Variants in RIPOR3 observed in about 807,000 individuals in gnomAD.
The protein encoded by RIPOR3 is family with sequence similarity 65 member C.
In RIPOR3, 95 loss-of-function variants were observed where a neutral mutation model predicts 114.3. The observed-to-expected ratio is 0.83, with a 90% CI of 0.70 to 0.99. RIPOR3 has a LOEUF of 0.99. RIPOR3 is among the 50% of genes least tolerant of loss of function. The probability of loss-of-function intolerance (pLI) is 0.00; values close to 1 mark genes in which losing one functional copy is unlikely to be tolerated. For missense variants in RIPOR3, 1,252 were observed against 1,266.9 expected (o/e 0.99, Z 0.18); for synonymous variants, 575 against 543.8 (o/e 1.06, Z -0.80).
At chr20:50,686,994 A>C (rs753021840) in intron 1 of RIPOR3, among the ~76,000 whole-genome samples, 2 of 152,216 alleles carry the variant, frequency 1.3e-5, no homozygotes, top group Non-Finnish European at 2.9e-5. Flanking sequence ...AGAGTTTCTA[A>C]AAATAGCAAG....
intron 1 of RIPOR3, chr20:50,646,007 C>T (rs1242257003): frequency 6.6e-6 from 1 of 152,246 alleles, no homozygotes; most frequent in African/African-American, 2.4e-5. Flanking sequence ...GTTCCAGGCA[C>T]TCTGACCCCA....
intron 20 of RIPOR3, 66 bp downstream of exon 20, chr20:50,589,616 TTAAC>T: frequency 6.6e-7 from 1 of 1,508,308 alleles, no homozygotes; most frequent in South Asian, 1.2e-5. Flanking sequence ...CATTTTGAAG[TTAAC>T]TAACCTTAAC....
chr20:50,597,630 G>C lies in RIPOR3; in HGVS notation c.1740C>G (p.Ala580=). Residue 580 remains alanine (A), a synonymous_variant, in exon 14 of 22, where the codon GCC becomes GCG. Coordinates refer to ENST00000327979, the MANE Select transcript of RIPOR3 (RefSeq NM_001290268.2). The stretch of plus-strand genomic sequence containing the variant: ...GGGACAGCTCATCCAGGGCGAAGTC[G>C]GCATTGAGGAAGGCGAAGCTCTCCA... ...CILESFAFLN[A]DFALDELSLF... is the part of the protein sequence containing the mutation. 1.2e-6 allele frequency: 2 copies of C among 1,612,074 alleles called. No individual in the cohort carries two copies. The highest frequency in any genetic ancestry group is 2.2e-5 in the South Asian group (2 of 90,612).
In RIPOR3 at chr20:50,592,125, C is replaced by T. The variant is rs529201039; in HGVS notation, c.2577+219G>A. Among the ~76,000 whole-genome samples, 4 of 152,276 alleles carry T rather than the reference C, an allele frequency of 2.6e-5. No homozygotes were observed. In the East Asian group the frequency reaches 7.7e-4, roughly 29 times the overall value. On this transcript the variant is annotated intron_variant, in intron 19 of 21. Coordinates refer to ENST00000327979, the MANE Select transcript of RIPOR3 (RefSeq NM_001290268.2). Reference sequence around the variant, plus strand: ...AAAACGCACTAAGAAAAACATTCAGCGTGCAAGTGACATCTCAGAGGCCTA... The same window carrying T: ...AAAACGCACTAAGAAAAACATTCAGTGTGCAAGTGACATCTCAGAGGCCTA...
rs766262029 is a variant in RIPOR3 at position 50,593,149 on chromosome 20, G to A, written c.2260C>T (p.Pro754Ser). The A allele has an allele frequency of 1.1e-5, 17 of 1,613,690 alleles. No individual in the cohort carries two copies. In the African/African-American group the frequency reaches 2.0e-4, roughly 19 times the overall value. The change falls in exon 18 of 22, where the codon CCC becomes TCC. Residue 754 changes from proline to serine, a missense_variant. Transcript: ENST00000327979. Reference protein sequence around the residue: ...EQVVSCGGLLPGAGLPEEQII... With the variant: ...EQVVSCGGLLSGAGLPEEQII... ...TGTTCTTCTGGGAGCCCAGCTCCGG[G>A]GAGCAGCCCACCACAGCTGACCACC... is the stretch of plus-strand genomic sequence containing the variant.
At position 50,594,556 on chromosome 20, in the gene RIPOR3, T is replaced by C. The variant is rs760301256; in HGVS notation, c.2209A>G (p.Ile737Val). ...GACAGGACAGAAGGGAACCCACCTA[T>C]TTCCAGCTGTCCTGGGTACTTCCCT... ...VRGKYPGQLEIACRRLLEQVV... is the reference protein window; with the variant it reads ...VRGKYPGQLEVACRRLLEQVV... The change falls in exon 17 of 22, where the codon ATA becomes GTA. Residue 737 changes from isoleucine to valine, a missense_variant. Transcript: ENST00000327979. The C allele has an allele frequency of 8.7e-6, 14 of 1,613,396 alleles. No homozygotes were observed. In the South Asian group the frequency reaches 1.5e-4, roughly 18 times the overall value.
At chr20:50,627,703 G>T (rs921052873) in intron 2 of RIPOR3, among the ~76,000 whole-genome samples, 1 of 152,044 alleles carries the variant, frequency 6.6e-6, no homozygotes, top group Non-Finnish European at 1.5e-5. Flanking sequence ...ATTTTGGGAG[G>T]CTGGGGTGGG....
At chr20:50,672,648 A>G (rs1468809970) in intron 1 of RIPOR3, among the ~76,000 whole-genome samples, 6 of 152,182 alleles carry the variant, frequency 3.9e-5, no homozygotes, top group Non-Finnish European at 8.8e-5. Flanking sequence ...CAACAGGGAC[A>G]CAGGGGAAGG....
chr20:50,681,002 T>C (rs932411675), intron 1 of RIPOR3, among the ~76,000 whole-genome samples: 1 of 151,954 alleles, frequency 6.6e-6, no homozygotes, highest in African/African-American at 2.4e-5. Context: ...GGCGGGTGAA[T>C]CTATTTCAGC....
chr20:50,642,498 T>G (rs1181087754), intron 1 of RIPOR3, among the ~76,000 whole-genome samples: 2 of 151,950 alleles, frequency 1.3e-5, no homozygotes, highest in Non-Finnish European at 2.9e-5. Context: ...TAAGATTAAG[T>G]TGCTAATCTG....
At chr20:50,664,722 T>G (rs142177914) in intron 1 of RIPOR3, among the ~76,000 whole-genome samples, 10 of 152,180 alleles carry the variant, frequency 6.6e-5, no homozygotes, top group African/African-American at 2.4e-4. Flanking sequence ...TTGGGTATAG[T>G]GTTGAGATAG....
At chr20:50,656,329 T>G (rs2085811782) in intron 1 of RIPOR3, among the ~76,000 whole-genome samples, 1 of 152,196 alleles carries the variant, frequency 6.6e-6, no homozygotes, top group Admixed American at 6.6e-5. Flanking sequence ...TTGGAACCTC[T>G]GTTTCCTCAT....
At chr20:50,654,540 G>A (rs754748586) in intron 1 of RIPOR3, among the ~76,000 whole-genome samples, 2 of 149,240 alleles carry the variant, frequency 1.3e-5, no homozygotes, top group Admixed American at 1.4e-4. Flanking sequence ...TTTTGTCTGC[G>A]TGGTTCACTG....
At chr20:50,616,227 C>G in intron 3 of RIPOR3, 147 bp from the exon 4 acceptor site, 1 of 722,380 alleles carries the variant, frequency 1.4e-6, no homozygotes, top group East Asian at 2.8e-5. Flanking sequence ...CTCCCTCACA[C>G]TGGGGGCTGT....
chr20:50,589,084 GAAAAAAAAAAA>G (rs529410533), intron 20 of RIPOR3, among the ~76,000 whole-genome samples: 14,285 of 89,812 alleles, frequency 0.16, 563 homozygotes, highest in Non-Finnish European at 0.17. Flanking sequence ...TCCATCTCAA[GAAAAAAAAAAA>G]AAAAAAAAAA....
intron 20 of RIPOR3, among the ~76,000 whole-genome samples, chr20:50,588,925 C>CA (rs1392069459): frequency 1.3e-5 from 2 of 150,896 alleles, no homozygotes; most frequent in African/African-American, 4.9e-5. Context: ...ACTAAAAATA[C>CA]AAAAAAATTA....
intron 1 of RIPOR3, among the ~76,000 whole-genome samples, chr20:50,657,571 C>G (rs1298729690): frequency 1.3e-5 from 2 of 152,018 alleles, no homozygotes; most frequent in Non-Finnish European, 2.9e-5. Flanking sequence ...CTTACCACAT[C>G]CCAGCTGCAT....
rs141465404 is a variant in RIPOR3, at chr20:50,690,157, C to T, written c.3+969G>A. The stretch of plus-strand genomic sequence containing the variant: ...GGAGGCATGTGGAAAGCGCTGTATG[C>T]GTTTCACAATTCTGTTTCATCCAAA... On this transcript the variant is annotated intron_variant, in intron 1 of 21. Coordinates refer to ENST00000327979, the MANE Select transcript of RIPOR3 (RefSeq NM_001290268.2). 2.6e-3 allele frequency among the ~76,000 whole-genome samples: 394 copies of T among 152,340 alleles called. 6 individuals are homozygous for T. The highest frequency in any genetic ancestry group is 8.8e-3 in the African/African-American group (364 of 41,574).
chr20:50,607,391 A>C (rs553977476), intron 11 of RIPOR3, among the ~76,000 whole-genome samples: 1 of 152,252 alleles, frequency 6.6e-6, no homozygotes, highest in East Asian at 1.9e-4. Flanking sequence ...CCAGCCTTGC[A>C]CTCGGAGTAG....
Sources: gnomAD v4.1 joint callset for allele counts (sites outside exome capture counted in the v4.1 genomes callset) on GRCh38, gnomAD v4.1.1 for gene constraint, MANE v1.5 for transcripts, NCBI Gene and HGNC (gene_info 2026-07-23, HGNC 2026-07-21) for gene names.